The following KLF12 variants were observed in gnomAD, a reference collection of about 807,000 sequenced individuals.
KLF12 encodes the protein KLF transcription factor 12, also known as Krueppel-like factor 12.
Under a neutral mutation model 37.8 loss-of-function variants are expected in KLF12, and 9 were observed. The ratio of observed to expected loss-of-function variants is 0.24; its 90% CI spans 0.14 to 0.42. The LOEUF (loss-of-function observed/expected upper bound fraction) is 0.42. KLF12 is among the 10% of genes least tolerant of loss of function. The probability of loss-of-function intolerance (pLI) is 1.00; values close to 1 mark genes in which losing one functional copy is unlikely to be tolerated. For synonymous variants in KLF12, 208 were observed against 202.1 expected, an observed-to-expected ratio of 1.03 and a Z score of -0.25; for missense variants, 411 against 516.0, an observed-to-expected ratio of 0.80 and a Z score of 1.97.
intron 3 of KLF12, among the ~76,000 whole-genome samples, chr13:73,900,095 T>C (rs1887972255): frequency 1.3e-5 from 2 of 152,230 alleles, no homozygotes; most frequent in Admixed American, 6.5e-5. Context: ...AAAAGGAAGA[T>C]AGCCCTATCA....
chr13:74,074,886 A>C (rs1566200149), intron 1 of KLF12, among the ~76,000 whole-genome samples: 1 of 152,202 alleles, frequency 6.6e-6, no homozygotes, highest in Non-Finnish European at 1.5e-5. Flanking sequence ...CTGTTCCTGG[A>C]TATCAAAAAG....
At chr13:73,783,554 G>A (rs920398782) in intron 5 of KLF12, among the ~76,000 whole-genome samples, 2 of 151,946 alleles carry the variant, frequency 1.3e-5, no homozygotes, top group Non-Finnish European at 2.9e-5. Context: ...GGATCATTAT[G>A]CCCTGTATGA....
chr13:74,258,133 A>G, the KLF12 span: 4 of 150,538 alleles, frequency 2.7e-5, no homozygotes, highest in Non-Finnish European at 5.9e-5. Context: ...CTTCCTTCAA[A>G]GTGGTTCATC....
At chr13:73,881,256 A>C (rs117467111) in intron 3 of KLF12, among the ~76,000 whole-genome samples, 1 of 152,062 alleles carries the variant, frequency 6.6e-6, no homozygotes, top group Non-Finnish European at 1.5e-5. Context: ...ATTAAAGCCT[A>C]TTTTTCTGTA....
the KLF12 span, among the ~76,000 whole-genome samples, chr13:74,220,681 C>A: frequency 6.6e-6 from 1 of 152,156 alleles, no homozygotes; most frequent in African/African-American, 2.4e-5. Context: ...CCTGGTCTAC[C>A]CAACCCTAGC....
At chr13:74,065,239 T>C (rs1279439728) in intron 1 of KLF12, among the ~76,000 whole-genome samples, 2 of 150,052 alleles carry the variant, frequency 1.3e-5, no homozygotes, top group Non-Finnish European at 3.0e-5. Flanking sequence ...TATATATATA[T>C]ACACACTGTA....
chr13:73,787,733 T>A (rs1285600614), intron 5 of KLF12, among the ~76,000 whole-genome samples: 1 of 152,148 alleles, frequency 6.6e-6, no homozygotes, highest in Non-Finnish European at 1.5e-5. Flanking sequence ...CCACTTCTGT[T>A]CTCGAAGATA....
chr13:73,774,654 A>G (rs949846301), intron 5 of KLF12, among the ~76,000 whole-genome samples: 3 of 152,202 alleles, frequency 2.0e-5, no homozygotes, highest in Non-Finnish European at 2.9e-5. Flanking sequence ...GGTGAAAGGT[A>G]TATGTGAATT....
At chr13:73,801,730 A>G (rs1385882786) in intron 5 of KLF12, 2 of 152,140 alleles carry the variant, frequency 1.3e-5, no homozygotes, top group African/African-American at 2.4e-5. Flanking sequence ...ACCACATTAA[A>G]TACCATTAGA....
intron 1 of KLF12, among the ~76,000 whole-genome samples, chr13:74,064,886 T>C (rs1417618855): frequency 6.6e-6 from 1 of 152,218 alleles, no homozygotes; most frequent in African/African-American, 2.4e-5. Flanking sequence ...GTTAGTTTTA[T>C]TCATCCTGCA....
chr13:74,216,602 C>T, the KLF12 span, among the ~76,000 whole-genome samples: 6 of 152,264 alleles, frequency 3.9e-5, no homozygotes, highest in Non-Finnish European at 7.4e-5. Context: ...GAGAAGTTTA[C>T]ATCAGGAGAC....
chr13:74,291,151 T>C, the KLF12 span, among the ~76,000 whole-genome samples: 2 of 152,248 alleles, frequency 1.3e-5, no homozygotes, highest in Non-Finnish European at 2.9e-5. Flanking sequence ...AAGTGGGTTT[T>C]ATTTTTAAAT....
At chr13:73,807,382 C>T (rs1015606229) in intron 5 of KLF12, among the ~76,000 whole-genome samples, 15 of 151,788 alleles carry the variant, frequency 9.9e-5, no homozygotes, top group African/African-American at 2.7e-4. Flanking sequence ...ATCTAACTTG[C>T]TACCATATCT....
intron 1 of KLF12, among the ~76,000 whole-genome samples, chr13:74,016,760 C>A (rs1034119447): frequency 1.3e-5 from 2 of 152,166 alleles, no homozygotes; most frequent in Admixed American, 6.5e-5. Flanking sequence ...TAAGACTCAG[C>A]AATTCTACTT....
chr13:74,104,838 G>A (rs542867136), intron 1 of KLF12, among the ~76,000 whole-genome samples: 1 of 152,152 alleles, frequency 6.6e-6, no homozygotes, highest in South Asian at 2.1e-4. Flanking sequence ...GAGGGCATAG[G>A]CTCTCATACT....
At chr13:73,799,247 G>A (rs1487515142) in intron 5 of KLF12, among the ~76,000 whole-genome samples, 3 of 151,974 alleles carry the variant, frequency 2.0e-5, no homozygotes, top group Admixed American at 2.0e-4. Context: ...CAGACACTGG[G>A]GTCTACCTGA....
At chr13:74,016,727 T>C (rs1031216420) in intron 1 of KLF12, among the ~76,000 whole-genome samples, 2 of 152,190 alleles carry the variant, frequency 1.3e-5, no homozygotes, top group African/African-American at 4.8e-5. Context: ...TGGCAGTGTC[T>C]ACTAAAATGA....
chr13:73,959,869 G>T (rs981539297), intron 2 of KLF12, among the ~76,000 whole-genome samples: 1 of 152,080 alleles, frequency 6.6e-6, no homozygotes. Flanking sequence ...AAGATCAGAC[G>T]ATGGCAAACC....
At chr13:73,972,218 A>G (rs567103788) in intron 2 of KLF12, among the ~76,000 whole-genome samples, 4 of 152,348 alleles carry the variant, frequency 2.6e-5, no homozygotes, top group East Asian at 1.9e-4. Flanking sequence ...GGCTAACATT[A>G]TGAGTTTTGA....
Sources: gnomAD v4.1 joint callset for allele counts (sites outside exome capture counted in the v4.1 genomes callset) on GRCh38, gnomAD v4.1.1 for gene constraint, MANE v1.5 for transcripts, NCBI Gene and HGNC (gene_info 2026-07-23, HGNC 2026-07-21) for gene names.